GRM7: variants seen among roughly 807,000 people sequenced by gnomAD.
The protein encoded by GRM7 is metabotropic glutamate receptor 7.
In GRM7, 35 loss-of-function variants were observed where a neutral mutation model predicts 84.5. That is an observed-to-expected ratio of 0.41 (90% CI 0.32 to 0.55). The LOEUF (loss-of-function observed/expected upper bound fraction) is 0.55, where lower values mean the gene tolerates loss of function less well. Among genes scored for constraint, GRM7 ranks in the 20% least tolerant of loss-of-function variants. GRM7 has a pLI of 0.19. For missense variants in GRM7, 1,003 were observed against 1,194.6 expected, an observed-to-expected ratio of 0.84 and a Z score of 2.36; for synonymous variants, 487 against 455.1, an observed-to-expected ratio of 1.07 and a Z score of -0.89.
chr3:7,631,193 C>T (rs1413599189), intron 8 of GRM7, among the ~76,000 whole-genome samples: 3 of 152,204 alleles, frequency 2.0e-5, no homozygotes, highest in Non-Finnish European at 4.4e-5. Flanking sequence ...AGTCAGCCAG[C>T]TGGGCTCTTT....
intron 8 of GRM7, 82 bp from the exon 9 acceptor site, chr3:7,679,967 G>T: frequency 7.6e-7 from 1 of 1,317,358 alleles, no homozygotes; most frequent in Non-Finnish European, 1.1e-6. Context: ...AGCCATAGTC[G>T]TTCTTGACAT....
chr3:7,281,939 C>T (rs1313316192), intron 2 of GRM7, among the ~76,000 whole-genome samples: 3 of 152,102 alleles, frequency 2.0e-5, no homozygotes, highest in African/African-American at 4.8e-5. Context: ...AGAAATTAGC[C>T]GGGCGTGGCA....
At chr3:7,574,814 T>C (rs1449951210) in intron 7 of GRM7, among the ~76,000 whole-genome samples, 1 of 152,174 alleles carries the variant, frequency 6.6e-6, no homozygotes, top group Non-Finnish European at 1.5e-5. Context: ...CCAGTGAGCT[T>C]TCTTTCAAAG....
intron 8 of GRM7, among the ~76,000 whole-genome samples, chr3:7,670,574 A>G (rs1699877075): frequency 6.6e-6 from 1 of 152,186 alleles, no homozygotes; most frequent in African/African-American, 2.4e-5. Flanking sequence ...CTTTTTAACT[A>G]TTTATTTGAC....
At chr3:7,492,407 T>C (rs1699554031) in intron 7 of GRM7, among the ~76,000 whole-genome samples, 2 of 152,190 alleles carry the variant, frequency 1.3e-5, no homozygotes, top group African/African-American at 4.8e-5. Context: ...GTTCAGTTTG[T>C]CTACTTAATC....
chr3:7,098,815 G>A (rs1263930436), intron 1 of GRM7, among the ~76,000 whole-genome samples: 7 of 151,864 alleles, frequency 4.6e-5, no homozygotes, highest in South Asian at 2.1e-4. Context: ...CAGGTTATGC[G>A]TCTGATGCAT....
At chr3:7,493,945 A>C (rs1699612268) in intron 7 of GRM7, among the ~76,000 whole-genome samples, 1 of 152,034 alleles carries the variant, frequency 6.6e-6, no homozygotes. Context: ...CCTTCCATTT[A>C]GGTCCCTTTC....
intron 1 of GRM7, among the ~76,000 whole-genome samples, chr3:6,945,094 G>T (rs1452160654): frequency 6.6e-6 from 1 of 151,430 alleles, no homozygotes; most frequent in Non-Finnish European, 1.5e-5. Flanking sequence ...TAAGTTTTAG[G>T]GTACATGTGC....
chr3:7,515,135 T>C (rs1158822238), intron 7 of GRM7, among the ~76,000 whole-genome samples: 1 of 150,732 alleles, frequency 6.6e-6, no homozygotes, highest in Non-Finnish European at 1.5e-5. Flanking sequence ...GAGCCCCTGT[T>C]ACACACGTGA....
At chr3:7,323,881 T>C (rs1036331166) in intron 4 of GRM7, among the ~76,000 whole-genome samples, 1 of 152,196 alleles carries the variant, frequency 6.6e-6, no homozygotes, top group Non-Finnish European at 1.5e-5. Flanking sequence ...TTTGATCTAC[T>C]AGTTGGTTTA....
chr3:7,171,562 G>A (rs1694984512), intron 2 of GRM7, among the ~76,000 whole-genome samples: 1 of 152,110 alleles, frequency 6.6e-6, no homozygotes, highest in South Asian at 2.1e-4. Flanking sequence ...GTGCAGTGAT[G>A]TCTATCTGCA....
intron 1 of GRM7, among the ~76,000 whole-genome samples, chr3:6,909,888 A>C (rs1016969657): frequency 5.3e-5 from 8 of 152,124 alleles, no homozygotes; most frequent in African/African-American, 1.9e-4. Context: ...TAGAAAAAGT[A>C]GTTTTCAAGA....
At chr3:6,888,144 T>C (rs1180900943) in intron 1 of GRM7, among the ~76,000 whole-genome samples, 3 of 152,094 alleles carry the variant, frequency 2.0e-5, no homozygotes, top group African/African-American at 4.8e-5. Context: ...CTTTGTCAGA[T>C]GAGTAGGTTG....
intron 9 of GRM7, among the ~76,000 whole-genome samples, chr3:7,702,093 G>C (rs1474738274): frequency 6.6e-6 from 1 of 152,196 alleles, no homozygotes; most frequent in Non-Finnish European, 1.5e-5. Flanking sequence ...CAACCTAGAG[G>C]CAGGCCCCCA....
At chr3:7,154,403 T>C (rs780470065) in intron 2 of GRM7, among the ~76,000 whole-genome samples, 7 of 152,164 alleles carry the variant, frequency 4.6e-5, no homozygotes, top group Non-Finnish European at 7.4e-5. Context: ...ACAAGGTATT[T>C]TTGCTGGATG....
At chr3:7,130,889 C>G (rs982734294) in intron 1 of GRM7, among the ~76,000 whole-genome samples, 1 of 152,064 alleles carries the variant, frequency 6.6e-6, no homozygotes, top group Non-Finnish European at 1.5e-5. Flanking sequence ...CCAGGCTACT[C>G]CAGCCTGAAA....
At chr3:7,713,578 C>G (rs1306180327) in intron 9 of GRM7, among the ~76,000 whole-genome samples, 1 of 151,950 alleles carries the variant, frequency 6.6e-6, no homozygotes, top group Non-Finnish European at 1.5e-5. Flanking sequence ...TCTACAGCAC[C>G]CTTGAATGAG....
chr3:7,508,142 A>G (rs1033088657), intron 7 of GRM7, among the ~76,000 whole-genome samples: 1 of 152,180 alleles, frequency 6.6e-6, no homozygotes, highest in Non-Finnish European at 1.5e-5. Context: ...GTGCTGGTTG[A>G]TTCTGTGAAT....
chr3:6,877,221 G>A (rs528546519), intron 1 of GRM7, among the ~76,000 whole-genome samples: 1 of 152,260 alleles, frequency 6.6e-6, no homozygotes, highest in South Asian at 2.1e-4. Flanking sequence ...GAGAAGTCTG[G>A]TACTGGTTTG....
Sources: allele counts gnomAD v4.1 joint callset (sites outside exome capture counted in the v4.1 genomes callset), GRCh38; gene constraint gnomAD v4.1.1; transcripts MANE v1.5; gene names NCBI Gene and HGNC (gene_info 2026-07-23, HGNC 2026-07-21).